Variants in TRMT44 observed in about 807,000 individuals in gnomAD.
The protein encoded by TRMT44 is tRNA methyltransferase 44 homolog.
In TRMT44, 78 loss-of-function variants were observed where a neutral mutation model predicts 77.3. The observed-to-expected ratio is 1.01, with a 90% CI of 0.84 to 1.22. The LOEUF (loss-of-function observed/expected upper bound fraction) is 1.22, where lower values mean the gene tolerates loss of function less well. Among genes scored for constraint, TRMT44 ranks in the 50% most tolerant of loss-of-function variants. TRMT44 has a pLI of 0.00. For missense variants in TRMT44, 1,090 were observed against 964.4 expected, an observed-to-expected ratio of 1.13 and a Z score of -1.73; for synonymous variants, 391 against 383.3, an observed-to-expected ratio of 1.02 and a Z score of -0.23.
Position 8,452,067 on chromosome 4 carries a change from G to A in TRMT44, c.1023+39G>A. ...CGACCTCAGCTTCTCTGGAGTGGGT[G>A]GAGTTTGCTACAGGCAGATGTTCCC... On this transcript the variant is annotated intron_variant, in intron 4 of 10. Transcript: ENST00000389737. This position sits in a 1 kb window ranked among gnomAD's most constrained non-coding sequence, Gnocchi z 5.7. 3 of 1,513,180 alleles carry A rather than the reference G, an allele frequency of 2.0e-6. No individual in the cohort carries two copies. Among genetic ancestry groups the A allele is most frequent in the Non-Finnish European group, 2.7e-6 (3 of 1,125,894 alleles). The allele number at this position is 1,513,180 out of a possible 1,614,324, so 93.7% of individuals were successfully genotyped here.
At position 8,454,747 on chromosome 4, in the gene TRMT44, A is replaced by G. The variant is rs753133824; in HGVS notation, c.1137A>G (p.Pro379=). 2.5e-6 allele frequency: 4 copies of G among 1,614,068 alleles called. No individual in the cohort carries two copies. The highest frequency in any genetic ancestry group is 3.4e-6 in the Non-Finnish European group (4 of 1,180,000). Reference sequence around the variant, plus strand: ...TCTAAAATTAATTTTTTCAGCATCCAGGCAGAGGGATTGATGTCCGAAGAA... The same window carrying G: ...TCTAAAATTAATTTTTTCAGCATCCGGGCAGAGGGATTGATGTCCGAAGAA... The part of the protein sequence containing the change: ...LVHILSSEGH[P]GRGIDVRRRK... The change falls in exon 6 of 11, where the codon CCA becomes CCG. Residue 379 remains proline, a synonymous_variant. Coordinates refer to ENST00000389737, the MANE Select transcript of TRMT44 (RefSeq NM_152544.3).
chr4:8,468,673 A>T, intron 9 of TRMT44: 1 of 532,692 alleles, frequency 1.9e-6, no homozygotes. Flanking sequence ...TACTGAGTGC[A>T]AGCAAAATGC....
At position 8,452,065 on chromosome 4, in the gene TRMT44, G is replaced by A. The variant is rs1255859204; in HGVS notation, c.1023+37G>A. Reference sequence around the variant, plus strand: ...AGCGACCTCAGCTTCTCTGGAGTGGGTGGAGTTTGCTACAGGCAGATGTTC... The same window carrying A: ...AGCGACCTCAGCTTCTCTGGAGTGGATGGAGTTTGCTACAGGCAGATGTTC... On this transcript the variant is annotated intron_variant, in intron 4 of 10. Transcript: ENST00000389737. The surrounding 1 kb of genome is among the most constrained non-coding windows in gnomAD (Gnocchi z 5.7). 2.0e-6 allele frequency: 3 copies of A among 1,520,260 alleles called. No homozygotes were observed. The highest frequency in any genetic ancestry group is 1.4e-5 in the African/African-American group (1 of 72,642). 94.2% of individuals were successfully genotyped at this position (1,520,260 alleles called of 1,614,324 possible). A position where few individuals can be genotyped will look rare whatever the true frequency, so the allele number is the denominator to read the frequency against.
chr4:8,500,737 A>T, the TRMT44 span, among the ~76,000 whole-genome samples: 2 of 150,990 alleles, frequency 1.3e-5, no homozygotes, highest in African/African-American at 4.9e-5. Context: ...GATTCACTAC[A>T]ACTTCCACCT....
rs561265588 is a variant in TRMT44, at chr4:8,452,492, C to T, written c.1024-390C>T. ...CTCAAGCCTGTAATTCCCAGCACTT[C>T]GGGAGGCCGAGGCGGGCAGATCACT... On this transcript the variant is annotated intron_variant, in intron 4 of 10. Transcript: ENST00000389737. The surrounding 1 kb of genome is among the most constrained non-coding windows in gnomAD (Gnocchi z 5.7). 1.5e-4 allele frequency among the ~76,000 whole-genome samples: 23 copies of T among 152,278 alleles called. 1 individual carries two copies. Among genetic ancestry groups the T allele is most frequent in the Non-Finnish European group, 2.4e-4 (16 of 68,010 alleles).
chr4:8,447,823 T>A (rs1044262489), intron 2 of TRMT44, among the ~76,000 whole-genome samples: 36 of 152,154 alleles, frequency 2.4e-4, no homozygotes, highest in African/African-American at 8.4e-4. Flanking sequence ...GGAGAAGCCA[T>A]GCTTACCTGT....
chr4:8,503,332 G>T, the TRMT44 span, among the ~76,000 whole-genome samples: 1 of 152,228 alleles, frequency 6.6e-6, no homozygotes, highest in East Asian at 1.9e-4. Flanking sequence ...ACCCTAGGCC[G>T]TGGCTGCAGC....
chr4:8,471,828 GGA>G (rs942921025), intron 10 of TRMT44, among the ~76,000 whole-genome samples: 6 of 152,322 alleles, frequency 3.9e-5, no homozygotes, highest in Admixed American at 3.3e-4. Context: ...CTGGCCTTCT[GGA>G]GCCGGTGGTG....
At chr4:8,498,929 C>A in the TRMT44 span, among the ~76,000 whole-genome samples, 1 of 152,212 alleles carries the variant, frequency 6.6e-6, no homozygotes, top group East Asian at 1.9e-4. The surrounding 1 kb of genome is among the most constrained non-coding windows in gnomAD (Gnocchi z 4.3). Flanking sequence ...GGTCCAGTTG[C>A]CCAGAGGAGG....
chr4:8,462,443 A>G (rs1395175818), intron 6 of TRMT44, among the ~76,000 whole-genome samples: 1 of 151,968 alleles, frequency 6.6e-6, no homozygotes, highest in East Asian at 1.9e-4. Context: ...GTGGTGGCTC[A>G]TGCCTGTAAT....
At chr4:8,479,516 G>A (rs1368924802), downstream of TRMT44, 2 of 152,110 alleles carry the variant, frequency 1.3e-5, no homozygotes, top group Non-Finnish European at 2.9e-5. Context: ...GAATGCTGTA[G>A]GCAGTTGTAA....
rs547899288 is a variant in TRMT44 at position 8,440,947 on chromosome 4, G to T, written c.125G>T (p.Arg42Leu). The change falls in exon 1 of 11, where the codon CGC (arginine) becomes CTC (leucine). Residue 42 changes from arginine to leucine, a missense_variant. By Grantham distance (102) the Arg-to-Leu change is moderately radical. Transcript: ENST00000389737. ...QVANKRLCGA[R>L]LEARWSAALP... The stretch of plus-strand genomic sequence containing the variant: ...GCAAACAAACGGCTTTGCGGCGCCC[G>T]CCTGGAGGCCCGCTGGAGCGCCGCC... 6.5e-6 allele frequency: 10 copies of T among 1,529,244 alleles called. No homozygotes were observed. In the South Asian group the frequency reaches 1.2e-4, roughly 18 times the overall value. The allele number at this position is 1,529,244 out of a possible 1,614,324, so 94.7% of individuals were successfully genotyped here.
intron 6 of TRMT44, among the ~76,000 whole-genome samples, chr4:8,460,352 C>T (rs1482532774): frequency 1.3e-5 from 2 of 152,094 alleles, no homozygotes; most frequent in Non-Finnish European, 2.9e-5. Flanking sequence ...TGGAGAATGT[C>T]AGGAATATAC....
chr4:8,453,663 G>A (rs1368379695), intron 5 of TRMT44: 1 of 152,336 alleles, frequency 6.6e-6, no homozygotes, highest in East Asian at 1.9e-4. Context: ...CGGTCAGTAG[G>A]GGTGGGTGTC....
At chr4:8,514,219 A>C in the TRMT44 span, among the ~76,000 whole-genome samples, 2 of 147,058 alleles carry the variant, frequency 1.4e-5, no homozygotes, top group Non-Finnish European at 3.0e-5. Flanking sequence ...CAAGCAGACT[A>C]TGCACCCACA....
rs200059420 is a variant in TRMT44 at position 8,445,841 on chromosome 4, AT to A, written c.620-626del. Among the ~76,000 whole-genome samples, 11 of 151,854 alleles carry A rather than the reference AT, an allele frequency of 7.2e-5. No individual in the cohort carries two copies. The East Asian group carries it at 7.7e-4, about 11-fold the overall frequency. On this transcript the variant is annotated intron_variant, in intron 1 of 10. Transcript: ENST00000389737. ...ATATTCCTCTTTAACAGAGTTTGCA[AT>A]TTTTTTTTAATATCAAAGGTAAACA...
chr4:8,447,308 A>T (rs751500930), intron 2 of TRMT44, among the ~76,000 whole-genome samples: 1 of 152,258 alleles, frequency 6.6e-6, no homozygotes, highest in Non-Finnish European at 1.5e-5. Flanking sequence ...TTGGGCCTGT[A>T]TAGAAAGTAT....
Position 8,446,353 on chromosome 4 carries a change from T to G in TRMT44, c.620-123T>G. 1.6e-6 allele frequency: 1 copy of G among 639,672 alleles called. No individual in the cohort carries two copies. Among genetic ancestry groups the G allele is most frequent in the Non-Finnish European group, 2.7e-6 (1 of 367,740 alleles). 39.6% of individuals were successfully genotyped at this position (639,672 alleles called of 1,614,324 possible). A position where few individuals can be genotyped will look rare whatever the true frequency, so the allele number is the denominator to read the frequency against. ...CAAAAGTTCCTCTCCTGGAGTGCCA[T>G]TGTGAATAGAGTGCTGGGGGATTGA... On this transcript the variant is annotated intron_variant, in intron 1 of 10. Coordinates refer to ENST00000389737, the MANE Select transcript of TRMT44 (RefSeq NM_152544.3). This position sits in a 1 kb window ranked among gnomAD's most constrained non-coding sequence, Gnocchi z 4.3.
At chr4:8,478,748 C>T (rs1333430494), downstream of TRMT44, 1 of 152,270 alleles carries the variant, frequency 6.6e-6, no homozygotes, top group Non-Finnish European at 1.5e-5. Flanking sequence ...GGAATCTCGC[C>T]AGGGGTACAG....
Sources: gnomAD v4.1 joint callset for allele counts (sites outside exome capture counted in the v4.1 genomes callset) on GRCh38, gnomAD v4.1.1 for gene constraint, Gnocchi (gnomAD v3.1) non-coding constraint, MANE v1.5 for transcripts, NCBI Gene and HGNC (gene_info 2026-07-23, HGNC 2026-07-21) for gene names.